Variants in ZNF804A observed in about 807,000 individuals in gnomAD.
ZNF804A encodes zinc finger protein 804A.
A neutral mutation model predicts 16.5 loss-of-function variants in ZNF804A; 2 were observed. The ratio of observed to expected loss-of-function variants is 0.12; its 90% confidence interval spans 0.05 to 0.38. The LOEUF is 0.38. ZNF804A is among the 10% of genes least tolerant of loss of function. ZNF804A has a pLI of 0.99. For synonymous variants in ZNF804A, 534 were observed against 489.6 expected (o/e 1.09, Z -1.20); for missense variants, 1,473 against 1,390.7 (o/e 1.06, Z -0.94).
At chr2:184,730,170 A>G (rs1693489341) in intron 1 of ZNF804A, among the ~76,000 whole-genome samples, 1 of 152,062 alleles carries the variant, frequency 6.6e-6, no homozygotes, top group Admixed American at 6.6e-5. Context: ...CCTCTAGGTA[A>G]TTGATTATAA....
chr2:184,782,212 C>T (rs1229443981), intron 1 of ZNF804A, among the ~76,000 whole-genome samples: 1 of 151,656 alleles, frequency 6.6e-6, no homozygotes, highest in Admixed American at 6.6e-5. Context: ...AGCAGAGGTA[C>T]TTTACAATAG....
intron 1 of ZNF804A, among the ~76,000 whole-genome samples, chr2:184,788,209 TGTACCA>T (rs1694480480): frequency 6.6e-6 from 1 of 152,042 alleles, no homozygotes; most frequent in Admixed American, 6.6e-5. Context: ...TGTCTATTTT[TGTACCA>T]GTACCACGCT....
rs72905766 is a variant in ZNF804A, at chr2:184,855,145, A to G, written c.112-11224A>G. Among the ~76,000 whole-genome samples the G allele has an allele frequency of 6.3e-3, 961 of 152,160 alleles. 7 individuals are homozygous for G. Among genetic ancestry groups the G allele is most frequent in the Non-Finnish European group, 0.011 (728 of 67,928 alleles). ...AAAGACACTGACTACAACCAATAAGACAGCCCCTATAGAAATTAAGGATGC... is the reference window on the plus strand; with the variant it reads ...AAAGACACTGACTACAACCAATAAGGCAGCCCCTATAGAAATTAAGGATGC... On this transcript the variant is annotated intron_variant, in intron 1 of 3. Transcript: ENST00000302277.
chr2:184,699,062 C>T (rs1441559583), intron 1 of ZNF804A, among the ~76,000 whole-genome samples: 2 of 151,942 alleles, frequency 1.3e-5, no homozygotes, highest in Non-Finnish European at 2.9e-5. Flanking sequence ...GGGTGGACAC[C>T]TGAATAAAAC....
At chr2:184,625,677 A>G (rs1455823494) in intron 1 of ZNF804A, among the ~76,000 whole-genome samples, 1 of 152,098 alleles carries the variant, frequency 6.6e-6, no homozygotes, top group Non-Finnish European at 1.5e-5. Context: ...GGATTATTTT[A>G]TAGTAACAGT....
chr2:184,759,720 A>T (rs182426125), intron 1 of ZNF804A, among the ~76,000 whole-genome samples: 186 of 152,112 alleles, frequency 1.2e-3, no homozygotes, highest in Non-Finnish European at 1.9e-3. Context: ...TCACAAAAGA[A>T]GTGAAAATGG....
At chr2:184,874,238 C>G (rs1358237763) in intron 2 of ZNF804A, among the ~76,000 whole-genome samples, 1 of 151,982 alleles carries the variant, frequency 6.6e-6, no homozygotes, top group Admixed American at 6.6e-5. Flanking sequence ...GTGGTTACTT[C>G]AAGAGGTGAT....
chr2:184,705,257 G>A (rs1693003414), intron 1 of ZNF804A, among the ~76,000 whole-genome samples: 1 of 152,150 alleles, frequency 6.6e-6, no homozygotes, highest in Non-Finnish European at 1.5e-5. Flanking sequence ...TAGCCCAGGT[G>A]AACATAGTGA....
chr2:184,676,095 A>G (rs1692424739), intron 1 of ZNF804A, among the ~76,000 whole-genome samples: 1 of 151,762 alleles, frequency 6.6e-6, no homozygotes, highest in African/African-American at 2.4e-5. Context: ...CATGTTGGCC[A>G]TAGCCATTAT....
chr2:184,727,834 T>G (rs1693438945), intron 1 of ZNF804A, among the ~76,000 whole-genome samples: 1 of 151,754 alleles, frequency 6.6e-6, no homozygotes, highest in Non-Finnish European at 1.5e-5. Context: ...GTGTGGCAGA[T>G]TCCATCTTAG....
rs1574147374 is a variant in ZNF804A, at chr2:184,651,197, A to G, written c.111+52127A>G. Among the ~76,000 whole-genome samples the G allele has an allele frequency of 2.0e-5, 3 of 152,200 alleles. No individual in the cohort carries two copies. In the South Asian group the frequency reaches 6.2e-4, roughly 32 times the overall value. On this transcript the variant is annotated intron_variant, in intron 1 of 3. Coordinates refer to ENST00000302277, the MANE Select transcript of ZNF804A (RefSeq NM_194250.2). ...GACAAAAACAAGCAATGGGGAAAGG[A>G]CTCCCTATTCAGTAAATGGTGTTGG... is the stretch of plus-strand genomic sequence containing the variant.
At chr2:184,600,743 A>G (rs1456570885) in intron 1 of ZNF804A, among the ~76,000 whole-genome samples, 4 of 152,198 alleles carry the variant, frequency 2.6e-5, no homozygotes, top group African/African-American at 2.4e-5. Context: ...TTAAAATTCT[A>G]TAGGTCTTGA....
At chr2:184,931,028 G>C (rs1351446997) in intron 2 of ZNF804A, among the ~76,000 whole-genome samples, 2 of 152,222 alleles carry the variant, frequency 1.3e-5, no homozygotes, top group African/African-American at 4.8e-5. Context: ...GCAGGCAAGA[G>C]AGCATGTGCA....
At chr2:184,665,374 C>A (rs148183995) in intron 1 of ZNF804A, among the ~76,000 whole-genome samples, 1 of 152,314 alleles carries the variant, frequency 6.6e-6, no homozygotes. Context: ...ATCTCAGGTT[C>A]TTCTGAGAAA....
At chr2:184,831,545 G>A (rs1210361167) in intron 1 of ZNF804A, among the ~76,000 whole-genome samples, 3 of 151,944 alleles carry the variant, frequency 2.0e-5, no homozygotes, top group Non-Finnish European at 4.4e-5. Flanking sequence ...AGTGTTGCTT[G>A]AGAACACCTT....
intron 1 of ZNF804A, among the ~76,000 whole-genome samples, chr2:184,794,492 G>A (rs1041031316): frequency 6.6e-6 from 1 of 152,032 alleles, no homozygotes; most frequent in African/African-American, 2.4e-5. Context: ...CAGATGTATA[G>A]ATTTTGGAGA....
intron 1 of ZNF804A, among the ~76,000 whole-genome samples, chr2:184,759,265 G>A (rs554396428): frequency 5.2e-4 from 79 of 151,448 alleles, no homozygotes; most frequent in Non-Finnish European, 9.6e-4. Context: ...TTGTTAAAAA[G>A]TATAGCATGC....
chr2:184,623,370 C>G (rs1691447477), intron 1 of ZNF804A, among the ~76,000 whole-genome samples: 1 of 151,928 alleles, frequency 6.6e-6, no homozygotes, highest in African/African-American at 2.4e-5. Flanking sequence ...CACAAATATT[C>G]TCTATCTTTT....
At chr2:184,622,816 AG>A (rs1200386583) in intron 1 of ZNF804A, among the ~76,000 whole-genome samples, 1 of 152,054 alleles carries the variant, frequency 6.6e-6, no homozygotes, top group Non-Finnish European at 1.5e-5. Context: ...GAAAGAACTT[AG>A]AACCGGAATA....
Sources: gnomAD v4.1 joint callset for allele counts (sites outside exome capture counted in the v4.1 genomes callset) on GRCh38, gnomAD v4.1.1 for gene constraint, MANE v1.5 for transcripts, NCBI Gene and HGNC (gene_info 2026-07-23, HGNC 2026-07-21) for gene names.